Variants in VPS4B observed in about 807,000 individuals in gnomAD.
VPS4B encodes the protein vacuolar protein sorting 4 homolog B.
A neutral mutation model predicts 56.1 loss-of-function variants in VPS4B; 23 were observed. That is an observed-to-expected ratio of 0.41 (90% CI 0.30 to 0.58). VPS4B has a LOEUF of 0.58. Ranked by LOEUF, VPS4B falls within the 20% of genes least tolerant of loss-of-function variation. The pLI, the probability that VPS4B is intolerant of heterozygous loss-of-function variation, is 0.29. For synonymous variants in VPS4B, 177 were observed against 186.0 expected (o/e 0.95, Z 0.39); for missense variants, 372 against 531.9 (o/e 0.70, Z 2.96).
At chr18:63,391,228 T>TTA (rs1367729190) in intron 10 of VPS4B, 152 bp from the exon 11 acceptor site, 2 of 509,062 alleles carry the variant, frequency 3.9e-6, no homozygotes, top group East Asian at 4.1e-5. Flanking sequence ...AAACTCCCTA[T>TTA]TCTTTTTTTT....
At position 63,394,489 on chromosome 18, in the gene VPS4B, C is replaced by T. The variant is rs1256131813; in HGVS notation, c.1093-940G>A. On this transcript the variant is annotated intron_variant, in intron 9 of 10. Transcript: ENST00000238497. ...CACTTCTTTTTTTTTTTTTTTGAGACGGAGTCTCGCTTTGTAGCCCAGGCT... is the reference window on the plus strand; with the variant it reads ...CACTTCTTTTTTTTTTTTTTTGAGATGGAGTCTCGCTTTGTAGCCCAGGCT... 1.3e-4 allele frequency among the ~76,000 whole-genome samples: 20 copies of T among 148,452 alleles called. 1 individual carries two copies. In the South Asian group the frequency reaches 1.7e-3, roughly 13 times the overall value.
intron 1 of VPS4B, among the ~76,000 whole-genome samples, chr18:63,418,931 G>A (rs1007543493): frequency 4.6e-5 from 7 of 152,054 alleles, no homozygotes; most frequent in African/African-American, 7.3e-5. Flanking sequence ...AATATTCACC[G>A]GACATTTCCA....
rs761697944 is a variant in VPS4B at position 63,390,931 on chromosome 18, T to C, written c.*44A>G. ...CGATCCAAATAGACAAAAATATCTA[T>C]GAAAGAAAGAATACATATGGTAAGC... On this transcript the variant is annotated 3_prime_UTR_variant, in exon 11 of 11. Coordinates refer to ENST00000238497, the MANE Select transcript of VPS4B (RefSeq NM_004869.4). 5.2e-6 allele frequency: 7 copies of C among 1,353,916 alleles called. 1 individual carries two copies. Among genetic ancestry groups the C allele is most frequent in the South Asian group, 1.2e-5 (1 of 83,204 alleles). 83.9% of individuals were successfully genotyped at this position (1,353,916 alleles called of 1,614,324 possible).
chr18:63,415,098 G>A (rs1916133145), intron 1 of VPS4B, among the ~76,000 whole-genome samples: 1 of 152,184 alleles, frequency 6.6e-6, no homozygotes, highest in Non-Finnish European at 1.5e-5. Flanking sequence ...GATGAATTAA[G>A]AGGATATGCA....
chr18:63,410,191 C>T (rs1406507128), intron 3 of VPS4B, 99 bp downstream of exon 3: 1 of 1,495,852 alleles, frequency 6.7e-7, no homozygotes, highest in Non-Finnish European at 9.0e-7. Context: ...CAGCTTTGGC[C>T]CATGAGCCAT....
At chr18:63,410,084 T>C (rs1387835945) in intron 3 of VPS4B, among the ~76,000 whole-genome samples, 1 of 152,192 alleles carries the variant, frequency 6.6e-6, no homozygotes, top group Non-Finnish European at 1.5e-5. Flanking sequence ...CACACAACTT[T>C]GTTGTTACGG....
chr18:63,391,019 A>G lies in VPS4B; in HGVS notation c.1291T>C (p.Leu431=), dbSNP rs1599353054. Residue 431 remains leucine, a synonymous_variant, in exon 11 of 11, where the codon TTG becomes CTG. Coordinates refer to ENST00000238497, the MANE Select transcript of VPS4B (RefSeq NM_004869.4). The stretch of plus-strand genomic sequence containing the variant: ...TCTTCTGTAAACTTCTTTAATTTCA[A>G]CAAGTCATGTTCATTGACTGTAGGT... ...TKPTVNEHDL[L]KLKKFTEDFG... The G allele has an allele frequency of 6.2e-7, 1 of 1,613,784 alleles. No individual in the cohort carries two copies. The highest frequency in any genetic ancestry group is 2.2e-5 in the East Asian group (1 of 44,816).
intron 7 of VPS4B, 47 bp downstream of exon 7, chr18:63,400,001 A>T: frequency 6.4e-7 from 1 of 1,555,110 alleles, no homozygotes; most frequent in Admixed American, 2.0e-5. Flanking sequence ...CCTGGGCGAC[A>T]GAGTGAGACT....
intron 1 of VPS4B, among the ~76,000 whole-genome samples, chr18:63,414,616 G>T (rs1671567497): frequency 1.3e-5 from 2 of 151,574 alleles, no homozygotes; most frequent in Admixed American, 6.6e-5. Flanking sequence ...TGTATTTTTA[G>T]TAGAGATGGG....
At chr18:63,412,129 C>A (rs1169335302) in intron 1 of VPS4B, among the ~76,000 whole-genome samples, 1 of 152,106 alleles carries the variant, frequency 6.6e-6, no homozygotes, top group African/African-American at 2.4e-5. Context: ...TCAGAGAGGT[C>A]TTTTAAATAA....
chr18:63,392,093 T>C (rs1009561957), intron 10 of VPS4B, among the ~76,000 whole-genome samples: 12 of 152,162 alleles, frequency 7.9e-5, no homozygotes, highest in Non-Finnish European at 1.0e-4. Flanking sequence ...TATGGGTGTA[T>C]ACACATTTAC....
At chr18:63,399,985 C>T (rs559278813) in intron 7 of VPS4B, 63 bp downstream of exon 7, 20 of 1,529,826 alleles carry the variant, frequency 1.3e-5, no homozygotes, top group Non-Finnish European at 1.7e-5. Context: ...CGCCACTGCA[C>T]TCCAGCCTGG....
chr18:63,396,856 G>A (rs949852384), intron 9 of VPS4B, 178 bp downstream of exon 9: 2 of 599,834 alleles, frequency 3.3e-6, no homozygotes, highest in Non-Finnish European at 5.8e-6. Context: ...CAGGCGTGGT[G>A]GCACACGCCT....
At chr18:63,411,606 T>A (rs1191257524) in intron 1 of VPS4B, 28 bp from the exon 2 acceptor site, 3 of 1,472,794 alleles carry the variant, frequency 2.0e-6, no homozygotes, top group Non-Finnish European at 2.7e-6. Context: ...AATAACAACA[T>A]TTAAATCAAA....
intron 1 of VPS4B, among the ~76,000 whole-genome samples, chr18:63,413,867 T>C (rs1236126191): frequency 2.6e-5 from 4 of 152,232 alleles, no homozygotes; most frequent in African/African-American, 7.2e-5. Flanking sequence ...TCCTCTATTG[T>C]AGCAGGGAAG....
rs190277432 is a variant in VPS4B at position 63,391,448 on chromosome 18, C to T, written c.1234-372G>A. 8.7e-3 allele frequency among the ~76,000 whole-genome samples: 1,323 copies of T among 152,226 alleles called. 21 individuals are homozygous for T. The highest frequency in any genetic ancestry group is 0.03 in the African/African-American group (1,262 of 41,536). ...TTCGTTTTGTTGGTCAGGCTGGTCT[C>T]GAACCCCTGACCTCAGGTGATCCGC... On this transcript the variant is annotated intron_variant, in intron 10 of 10. Coordinates refer to ENST00000238497, the MANE Select transcript of VPS4B (RefSeq NM_004869.4).
chr18:63,400,474 A>C, intron 6 of VPS4B, 73 bp downstream of exon 6: 1 of 1,444,106 alleles, frequency 6.9e-7, no homozygotes, highest in Non-Finnish European at 9.3e-7. Flanking sequence ...TAAGTGATGT[A>C]AGAAATCTAT....
intron 10 of VPS4B, among the ~76,000 whole-genome samples, chr18:63,392,419 T>C (rs1254695350): frequency 1.3e-5 from 2 of 152,176 alleles, no homozygotes; most frequent in African/African-American, 4.8e-5. Flanking sequence ...AAAACAATGA[T>C]ACAAGCATTA....
At chr18:63,391,186 A>C in intron 10 of VPS4B, 110 bp from the exon 11 acceptor site, 4 of 708,740 alleles carry the variant, frequency 5.6e-6, no homozygotes, top group Non-Finnish European at 9.6e-6. Flanking sequence ...TTAAATATGA[A>C]TATTTGCAGT....
Sources: allele counts gnomAD v4.1 joint callset (sites outside exome capture counted in the v4.1 genomes callset), GRCh38; gene constraint gnomAD v4.1.1; transcripts MANE v1.5; gene names NCBI Gene and HGNC (gene_info 2026-07-23, HGNC 2026-07-21).